The following EPHB1 variants were observed in gnomAD, a reference collection of about 807,000 sequenced individuals.
EPHB1 encodes EPH receptor B1.
In EPHB1, 30 loss-of-function variants were observed where a neutral mutation model predicts 94.4. The observed-to-expected ratio is 0.32, with a 90% CI of 0.24 to 0.43. The LOEUF (loss-of-function observed/expected upper bound fraction) is 0.43, where lower values mean the gene tolerates loss of function less well. Among genes scored for constraint, EPHB1 ranks in the 20% least tolerant of loss-of-function variants. The probability of loss-of-function intolerance (pLI) is 1.00; values close to 1 mark genes in which losing one functional copy is unlikely to be tolerated. For missense variants in EPHB1, 1,055 were observed against 1,308.3 expected (o/e 0.81, Z 2.99); for synonymous variants, 522 against 489.1 (o/e 1.07, Z -0.89).
intron 2 of EPHB1, among the ~76,000 whole-genome samples, chr3:134,947,488 G>A (rs1369037574): frequency 1.3e-5 from 2 of 152,188 alleles, no homozygotes; most frequent in Non-Finnish European, 2.9e-5. Flanking sequence ...ACAACAGGGA[G>A]TTATTTTCCT....
intron 3 of EPHB1, among the ~76,000 whole-genome samples, chr3:134,978,681 CT>C (rs35627603): frequency 2.0e-5 from 3 of 152,232 alleles, no homozygotes; most frequent in African/African-American, 7.2e-5. Context: ...GTCCCCAGTG[CT>C]TTTTAGCATC....
chr3:134,798,090 A>C (rs1384337024), intron 1 of EPHB1, among the ~76,000 whole-genome samples: 1 of 152,108 alleles, frequency 6.6e-6, no homozygotes, highest in Non-Finnish European at 1.5e-5. Context: ...GTCCCTCCCA[A>C]ACTCGGCTGT....
At chr3:135,063,211 A>G (rs1391450955) in intron 3 of EPHB1, among the ~76,000 whole-genome samples, 1 of 152,128 alleles carries the variant, frequency 6.6e-6, no homozygotes, top group African/African-American at 2.4e-5. Context: ...TGTTTTTTCT[A>G]ATTCTGTGAA....
intron 3 of EPHB1, among the ~76,000 whole-genome samples, chr3:135,083,797 A>G (rs1244576425): frequency 6.6e-6 from 1 of 152,192 alleles, no homozygotes; most frequent in Admixed American, 6.5e-5. Flanking sequence ...TAAAAATAAT[A>G]GAGGCCAAAT....
At chr3:135,024,464 A>G (rs1936078431) in intron 3 of EPHB1, among the ~76,000 whole-genome samples, 1 of 152,094 alleles carries the variant, frequency 6.6e-6, no homozygotes, top group African/African-American at 2.4e-5. Flanking sequence ...AAACCTTTCA[A>G]CCACGTGGTT....
chr3:135,026,771 G>A (rs1936192014), intron 3 of EPHB1, among the ~76,000 whole-genome samples: 1 of 140,058 alleles, frequency 7.1e-6, no homozygotes, highest in Non-Finnish European at 1.5e-5. Flanking sequence ...GTAGCTTGAT[G>A]GGGATGGCAT....
intron 1 of EPHB1, among the ~76,000 whole-genome samples, chr3:134,864,975 A>C (rs1311806002): frequency 6.6e-6 from 1 of 152,202 alleles, no homozygotes; most frequent in Admixed American, 6.5e-5. Flanking sequence ...ATGTTCCACG[A>C]AGAATTTCTA....
At chr3:135,063,854 T>C (rs979694781) in intron 3 of EPHB1, among the ~76,000 whole-genome samples, 1 of 152,166 alleles carries the variant, frequency 6.6e-6, no homozygotes, top group Non-Finnish European at 1.5e-5. Context: ...TTTTATTACA[T>C]TGAGGTGTGT....
At chr3:135,028,531 G>C (rs1187390509) in intron 3 of EPHB1, among the ~76,000 whole-genome samples, 9 of 144,110 alleles carry the variant, frequency 6.2e-5, no homozygotes, top group African/African-American at 2.3e-4. Context: ...GTAGGTGAGC[G>C]GTTTTGAGTG....
chr3:135,260,336 C>A lies in EPHB1; in HGVS notation c.*1216C>A. ...TCTCTTTACATTCCTTGTTGTACCTCATTGTTCAATTCACTTTTGTAAATT... is the reference window on the plus strand; with the variant it reads ...TCTCTTTACATTCCTTGTTGTACCTAATTGTTCAATTCACTTTTGTAAATT... On this transcript the variant is annotated 3_prime_UTR_variant, in exon 16 of 16. Coordinates refer to ENST00000398015, the MANE Select transcript of EPHB1 (RefSeq NM_004441.5). The A allele has an allele frequency of 4.3e-6, 1 of 232,382 alleles. No homozygotes were observed. The allele number at this position is 232,382 out of a possible 1,614,324, so 14.4% of individuals were successfully genotyped here. A position where few individuals can be genotyped will look rare whatever the true frequency, so the allele number is the denominator to read the frequency against.
intron 3 of EPHB1, among the ~76,000 whole-genome samples, chr3:135,017,531 G>C (rs1412582230): frequency 6.6e-6 from 1 of 152,120 alleles, no homozygotes; most frequent in Non-Finnish European, 1.5e-5. Context: ...CTGTGGCTCT[G>C]GTGTCCCAGC....
chr3:135,144,877 G>A (rs1379450086), intron 5 of EPHB1, among the ~76,000 whole-genome samples: 3 of 152,214 alleles, frequency 2.0e-5, no homozygotes, highest in Admixed American at 6.5e-5. Context: ...CCCAGGGTAA[G>A]GAGGAAGATA....
chr3:135,039,466 G>A (rs1293462971), intron 3 of EPHB1, among the ~76,000 whole-genome samples: 3 of 152,242 alleles, frequency 2.0e-5, no homozygotes, highest in African/African-American at 4.8e-5. Context: ...ACTGGGCGCC[G>A]TGGAGTAGGG....
At chr3:134,814,623 C>T (rs971006603) in intron 1 of EPHB1, among the ~76,000 whole-genome samples, 4 of 152,098 alleles carry the variant, frequency 2.6e-5, no homozygotes, top group African/African-American at 7.2e-5. Context: ...CAGAATCATC[C>T]GAAATGGGGA....
chr3:134,853,449 TG>T (rs2037036024), intron 1 of EPHB1, among the ~76,000 whole-genome samples: 1 of 152,272 alleles, frequency 6.6e-6, no homozygotes, highest in Non-Finnish European at 1.5e-5. Context: ...ATAGGTTGGC[TG>T]CAGGAAGAAG....
intron 3 of EPHB1, among the ~76,000 whole-genome samples, chr3:135,015,828 A>G (rs1176042385): frequency 6.6e-6 from 1 of 152,180 alleles, no homozygotes; most frequent in African/African-American, 2.4e-5. Context: ...ACCTGAGCTA[A>G]GGCCAGAAAA....
intron 3 of EPHB1, among the ~76,000 whole-genome samples, chr3:135,004,749 A>C (rs1379191609): frequency 1.3e-5 from 2 of 151,722 alleles, no homozygotes; most frequent in African/African-American, 4.8e-5. Context: ...AGTTGATTGC[A>C]TCGGCTCCTG....
intron 13 of EPHB1, among the ~76,000 whole-genome samples, chr3:135,247,626 T>C (rs1277585809): frequency 1.3e-5 from 2 of 152,222 alleles, no homozygotes; most frequent in African/African-American, 2.4e-5. Flanking sequence ...AATTACTCTC[T>C]GGCGTTTGTG....
chr3:134,970,172 A>G (rs1024856145), intron 3 of EPHB1, among the ~76,000 whole-genome samples: 8 of 152,258 alleles, frequency 5.3e-5, no homozygotes, highest in African/African-American at 1.9e-4. Flanking sequence ...CACTTCAGCC[A>G]GGTCAAGTTC....
Sources: allele counts gnomAD v4.1 joint callset (sites outside exome capture counted in the v4.1 genomes callset), GRCh38; gene constraint gnomAD v4.1.1; transcripts MANE v1.5; gene names NCBI Gene and HGNC (gene_info 2026-07-23, HGNC 2026-07-21).